The following DNAH9 variants were observed in gnomAD, a reference collection of about 807,000 sequenced individuals.
The protein encoded by DNAH9 is dynein axonemal heavy chain 9, also known as DNAH9 variant protein.
A neutral mutation model predicts 471.6 loss-of-function variants in DNAH9; 345 were observed. That is an observed-to-expected ratio of 0.73 (90% CI 0.67 to 0.80). DNAH9 has a LOEUF of 0.80. DNAH9 is among the 30% of genes least tolerant of loss of function. DNAH9 has a pLI of 0.00. For synonymous variants in DNAH9, 2,093 were observed against 2,123.6 expected (o/e 0.99, Z 0.40); for missense variants, 5,407 against 5,609.2 (o/e 0.96, Z 1.15).
chr17:11,908,001 C>T (rs927851405), intron 61 of DNAH9, among the ~76,000 whole-genome samples: 2 of 152,096 alleles, frequency 1.3e-5, no homozygotes, highest in Admixed American at 6.6e-5. Flanking sequence ...CTGTCTGTGT[C>T]GTCTTAGATT....
chr17:11,881,546 AC>A, intron 55 of DNAH9, 133 bp downstream of exon 55: 1 of 855,098 alleles, frequency 1.2e-6, no homozygotes, highest in Non-Finnish European at 1.7e-6. Context: ...AAGACTGCTG[AC>A]CCCATGTAGC....
At chr17:11,602,878 C>T (rs980567959) in intron 1 of DNAH9, among the ~76,000 whole-genome samples, 1 of 152,216 alleles carries the variant, frequency 6.6e-6, no homozygotes, top group African/African-American at 2.4e-5. Flanking sequence ...CTCACTCTCT[C>T]TCATACCCTG....
intron 43 of DNAH9, among the ~76,000 whole-genome samples, chr17:11,806,269 G>A (rs187967106): frequency 5.3e-5 from 8 of 152,174 alleles, no homozygotes; most frequent in Middle Eastern, 3.4e-3. Context: ...CATTCTGCGC[G>A]GCAGTCTCTA....
intron 22 of DNAH9, among the ~76,000 whole-genome samples, chr17:11,697,653 A>G (rs528017135): frequency 3.1e-4 from 47 of 152,256 alleles, no homozygotes; most frequent in African/African-American, 8.4e-4. Flanking sequence ...CAGGTTTATC[A>G]TACTTCCGTA....
intron 39 of DNAH9, 43 bp downstream of exon 39, chr17:11,781,217 C>G: frequency 6.3e-7 from 1 of 1,581,512 alleles, no homozygotes; most frequent in Non-Finnish European, 8.6e-7. Context: ...GGGAGCAGAG[C>G]CTAAGGCAGG....
chr17:11,931,720 A>G (rs934290630), intron 63 of DNAH9, among the ~76,000 whole-genome samples: 3 of 152,128 alleles, frequency 2.0e-5, no homozygotes, highest in Non-Finnish European at 4.4e-5. Context: ...TTCTTATTGC[A>G]TGTCACCCTG....
intron 61 of DNAH9, among the ~76,000 whole-genome samples, chr17:11,921,133 C>T (rs967868071): frequency 1.3e-5 from 2 of 151,622 alleles, no homozygotes; most frequent in Non-Finnish European, 2.9e-5. Context: ...ATCCCAGCTA[C>T]TCGGGAGGCT....
intron 68 of DNAH9, among the ~76,000 whole-genome samples, chr17:11,963,959 C>A (rs1976471324): frequency 6.6e-6 from 1 of 152,108 alleles, no homozygotes; most frequent in Non-Finnish European, 1.5e-5. Context: ...CCATCAGAAG[C>A]TAGGAAAGGT....
intron 61 of DNAH9, among the ~76,000 whole-genome samples, chr17:11,912,293 A>G (rs867287158): frequency 6.6e-6 from 1 of 152,096 alleles, no homozygotes; most frequent in African/African-American, 2.4e-5. Context: ...CTATCCTCAT[A>G]TGTTCTTATT....
chr17:11,781,844 C>CAA (rs199979366), intron 39 of DNAH9, among the ~76,000 whole-genome samples: 1 of 114,308 alleles, frequency 8.7e-6, no homozygotes, highest in Non-Finnish European at 1.8e-5. Flanking sequence ...AAAAAAAAAA[C>CAA]AAACAAAAAA....
chr17:11,789,375 G>A (rs951049268), intron 41 of DNAH9, among the ~76,000 whole-genome samples: 5 of 151,986 alleles, frequency 3.3e-5, no homozygotes, highest in Non-Finnish European at 7.4e-5. Flanking sequence ...TCTTTAATAT[G>A]TATAAGACTA....
At chr17:11,891,708 G>T in intron 57 of DNAH9, 69 bp from the exon 58 acceptor site, 2 of 1,501,852 alleles carry the variant, frequency 1.3e-6, no homozygotes, top group Middle Eastern at 2.1e-4. Context: ...CACATTCTTC[G>T]CAGGTAAGAC....
chr17:11,904,586 G>A (rs952374325), intron 60 of DNAH9, among the ~76,000 whole-genome samples: 12 of 139,942 alleles, frequency 8.6e-5, no homozygotes, highest in African/African-American at 2.3e-4. Flanking sequence ...AGCCGAGATC[G>A]CACCACTGCA....
chr17:11,720,440 A>G (rs1394607231), intron 27 of DNAH9, among the ~76,000 whole-genome samples: 4 of 152,048 alleles, frequency 2.6e-5, no homozygotes, highest in East Asian at 1.9e-4. Context: ...CAAAAATGTA[A>G]TAACAGATTA....
At chr17:11,845,010 T>A (rs910221631) in intron 49 of DNAH9, among the ~76,000 whole-genome samples, 5 of 151,316 alleles carry the variant, frequency 3.3e-5, no homozygotes, top group Admixed American at 6.6e-5. Flanking sequence ...TTTTTTTTTT[T>A]ATTTATTATT....
At chr17:11,952,116 A>G (rs1472934336) in intron 67 of DNAH9, among the ~76,000 whole-genome samples, 1 of 141,906 alleles carries the variant, frequency 7.0e-6, no homozygotes, top group Non-Finnish European at 1.5e-5. Context: ...ACTATTATGT[A>G]TGTTTTTGCC....
intron 20 of DNAH9, among the ~76,000 whole-genome samples, chr17:11,691,700 T>G (rs1248933385): frequency 6.6e-6 from 1 of 152,234 alleles, no homozygotes; most frequent in African/African-American, 2.4e-5. Flanking sequence ...TTATGCCAGA[T>G]ATTTCAGATA....
At chr17:11,674,287 G>T (rs559335496) in intron 17 of DNAH9, among the ~76,000 whole-genome samples, 3 of 152,250 alleles carry the variant, frequency 2.0e-5, no homozygotes, top group South Asian at 2.1e-4. Context: ...TGCATATAAT[G>T]CCAAGCTCCT....
chr17:11,714,033 C>T (rs574486057), intron 26 of DNAH9, among the ~76,000 whole-genome samples: 8 of 152,220 alleles, frequency 5.3e-5, no homozygotes, highest in African/African-American at 1.9e-4. Context: ...AATCTCATAA[C>T]CAGTTGGTAT....
Sources: allele counts gnomAD v4.1 joint callset (sites outside exome capture counted in the v4.1 genomes callset), GRCh38; gene constraint gnomAD v4.1.1; transcripts MANE v1.5; gene names NCBI Gene and HGNC (gene_info 2026-07-23, HGNC 2026-07-21).